The following SLC36A4 variants were observed in gnomAD, a reference collection of about 807,000 sequenced individuals.
SLC36A4 encodes solute carrier family 36 member 4.
Under a neutral mutation model 50.5 loss-of-function variants are expected in SLC36A4, and 49 were observed. The observed-to-expected ratio is 0.97, with a 90% CI of 0.77 to 1.23. The LOEUF is 1.23. Ranked by LOEUF, SLC36A4 falls within the 50% of genes most tolerant of loss-of-function variation. SLC36A4 has a pLI of 0.00. For synonymous variants in SLC36A4, 207 were observed against 206.5 expected, an observed-to-expected ratio of 1.00 and a Z score of -0.02; for missense variants, 611 against 608.4, an observed-to-expected ratio of 1.00 and a Z score of -0.05.
In SLC36A4 at chr11:93,147,881, A is replaced by C. The variant is rs1253648230; in HGVS notation, c.*656T>G. On this transcript the variant is annotated 3_prime_UTR_variant, in exon 11 of 11. Coordinates refer to ENST00000326402, the MANE Select transcript of SLC36A4 (RefSeq NM_152313.4). ...TGGATAAGTTTTAAAGTCCCTTTTC[A>C]AATTTCATTGAAACACTAAGTCATG... 6.6e-6 allele frequency: 1 copy of C among 152,080 alleles called. No homozygotes were observed. Among genetic ancestry groups the C allele is most frequent in the Non-Finnish European group, 1.5e-5 (1 of 68,012 alleles). The allele number at this position is 152,080 out of a possible 1,614,324, so 9.4% of individuals were successfully genotyped here.
intron 1 of SLC36A4, among the ~76,000 whole-genome samples, chr11:93,192,462 T>C (rs1862253817): frequency 6.6e-6 from 1 of 152,132 alleles, no homozygotes; most frequent in African/African-American, 2.4e-5. Context: ...CTACGTGACA[T>C]GAAAAGCCAC....
In SLC36A4 at chr11:93,168,029, T is replaced by G. The variant is rs746390824; in HGVS notation, c.683A>C (p.Glu228Ala). 3 of 1,612,708 alleles carry G rather than the reference T, an allele frequency of 1.9e-6. No homozygotes were observed. In the East Asian group the frequency reaches 6.7e-5, roughly 36 times the overall value. The change falls in exon 7 of 11, where the codon GAA (glutamate) becomes GCA (alanine). Residue 228 changes from glutamate (E) to alanine (A), a missense_variant. Transcript: ENST00000326402. ...TGAAAGTACAAATAGATTCTTTAGT[T>G]CACGAATGAAGACCAAAAGAATTAT... ...PFIILLVFIR[E>A]LKNLFVLSFL...
At position 93,148,265 on chromosome 11, in the gene SLC36A4, A is replaced by G. The variant is rs575383625; in HGVS notation, c.*272T>C. 3.7e-6 allele frequency: 1 copy of G among 267,866 alleles called. No individual in the cohort carries two copies. Among genetic ancestry groups the G allele is most frequent in the East Asian group, 1.0e-4 (1 of 10,018 alleles). 16.6% of individuals were successfully genotyped at this position (267,866 alleles called of 1,614,324 possible). A position where few individuals can be genotyped will look rare whatever the true frequency, so the allele number is the denominator to read the frequency against. ...TTTCTTACTGAGATAAAAGAATAAT[A>G]GAAGTATTTTTATTCTTTAATTTTT... On this transcript the variant is annotated 3_prime_UTR_variant, in exon 11 of 11. Coordinates refer to ENST00000326402, the MANE Select transcript of SLC36A4 (RefSeq NM_152313.4).
At chr11:93,174,381 T>C (rs1311562693) in intron 6 of SLC36A4, among the ~76,000 whole-genome samples, 1 of 151,576 alleles carries the variant, frequency 6.6e-6, no homozygotes, top group Non-Finnish European at 1.5e-5. Context: ...TATACAGTCA[T>C]GTCATCTGCA....
Position 93,181,786 on chromosome 11 carries a change from C to A in SLC36A4, c.360G>T (p.Arg120Ser). Reference protein sequence around the residue: ...LVRCSHFLCLRFKKSTLGYSD... With the variant: ...LVRCSHFLCLSFKKSTLGYSD... ...TATAACCTAATGTTGACTTTTTAAA[C>A]CTGTAATTTAATGACATACATACAA... Residue 120 changes from arginine to serine, a missense_variant and splice_region_variant, in exon 5 of 11, where the codon AGG becomes AGT. Arg to Ser is a moderately radical substitution (Grantham distance 110). Coordinates refer to ENST00000326402, the MANE Select transcript of SLC36A4 (RefSeq NM_152313.4). The A allele has an allele frequency of 1.9e-6, 3 of 1,553,558 alleles. No homozygotes were observed. Among genetic ancestry groups the A allele is most frequent in the Non-Finnish European group, 1.7e-6 (2 of 1,146,326 alleles).
chr11:93,193,910 G>A (rs373268776), intron 1 of SLC36A4, among the ~76,000 whole-genome samples: 1 of 152,062 alleles, frequency 6.6e-6, no homozygotes, highest in African/African-American at 2.4e-5. Flanking sequence ...CATTACTGAC[G>A]TTGAAAATTG....
At chr11:93,150,879 G>C (rs1860055608) in intron 10 of SLC36A4, among the ~76,000 whole-genome samples, 1 of 151,960 alleles carries the variant, frequency 6.6e-6, no homozygotes. Flanking sequence ...GCCACCTGAA[G>C]AGGCTTTCAA....
At chr11:93,182,918 G>A (rs776332823) in intron 3 of SLC36A4, 24 bp from the exon 4 acceptor site, 3 of 1,523,530 alleles carry the variant, frequency 2.0e-6, no homozygotes, top group Middle Eastern at 1.7e-4. Context: ...AAATTTATAA[G>A]GTTTAAATAT....
At chr11:93,160,860 A>G in intron 9 of SLC36A4, 1 of 682,172 alleles carries the variant, frequency 1.5e-6, no homozygotes, top group Non-Finnish European at 1.8e-6. Context: ...AATATTATTG[A>G]GACAAAATGT....
intron 6 of SLC36A4, among the ~76,000 whole-genome samples, chr11:93,176,896 T>G (rs1237091315): frequency 6.6e-6 from 1 of 152,210 alleles, no homozygotes; most frequent in Non-Finnish European, 1.5e-5. Flanking sequence ...TTTCCTTCAT[T>G]TCAACTTTGG....
chr11:93,161,826 T>G (rs1860632519), intron 9 of SLC36A4, among the ~76,000 whole-genome samples: 2 of 152,180 alleles, frequency 1.3e-5, no homozygotes, highest in Non-Finnish European at 2.9e-5. Flanking sequence ...TAAGTCTGCA[T>G]GGTAATCACT....
At chr11:93,177,776 G>C (rs1180821855) in intron 6 of SLC36A4, among the ~76,000 whole-genome samples, 1 of 152,160 alleles carries the variant, frequency 6.6e-6, no homozygotes, top group African/African-American at 2.4e-5. Flanking sequence ...GATATCAGTT[G>C]GCCCCTACTG....
chr11:93,176,340 G>A (rs1388025916), intron 6 of SLC36A4, among the ~76,000 whole-genome samples: 3 of 151,820 alleles, frequency 2.0e-5, no homozygotes, highest in African/African-American at 7.3e-5. Context: ...GCCTATGTGT[G>A]TCTCTGCATG....
In SLC36A4 at chr11:93,162,754, T is replaced by C. The variant is rs78676517; in HGVS notation, c.989A>G (p.His330Arg). Reference protein sequence around the residue: ...TLATLGYMCFHDEIKGSITLN... With the variant: ...TLATLGYMCFRDEIKGSITLN... ...AGTTATGCTGCCTTTGATTTCATCA[T>C]GGAAACACATATATCCTAAAGTAGC... is the stretch of plus-strand genomic sequence containing the variant. Residue 330 changes from histidine to arginine, a missense_variant, in exon 9 of 11, where the codon CAT becomes CGT. Coordinates refer to ENST00000326402, the MANE Select transcript of SLC36A4 (RefSeq NM_152313.4). The C allele has an allele frequency of 0.059, 94,764 of 1,612,718 alleles. 3,164 individuals are homozygous for C. The highest frequency in any genetic ancestry group is 0.1 in the South Asian group (9,455 of 90,908).
At chr11:93,187,422 T>C (rs1862036641) in intron 1 of SLC36A4, among the ~76,000 whole-genome samples, 2 of 152,186 alleles carry the variant, frequency 1.3e-5, no homozygotes, top group South Asian at 4.1e-4. Flanking sequence ...ATGTATTTGG[T>C]TCAAATACTT....
intron 9 of SLC36A4, among the ~76,000 whole-genome samples, chr11:93,156,261 A>G (rs1860354785): frequency 6.6e-6 from 1 of 152,104 alleles, no homozygotes; most frequent in Admixed American, 6.5e-5. Flanking sequence ...TCGACTTTTT[A>G]GTAATAGCCA....
intron 1 of SLC36A4, among the ~76,000 whole-genome samples, chr11:93,191,843 C>T (rs941278490): frequency 6.6e-6 from 1 of 151,586 alleles, no homozygotes; most frequent in African/African-American, 2.4e-5. Flanking sequence ...GGTTTCTGGC[C>T]CTTCTCAAAA....
In SLC36A4 at chr11:93,181,163, C is replaced by T. The variant is rs116595329; in HGVS notation, c.456-282G>A. Among the ~76,000 whole-genome samples, 1,091 of 152,140 alleles carry T rather than the reference C, an allele frequency of 7.2e-3. 11 individuals are homozygous for T. The highest frequency in any genetic ancestry group is 0.025 in the African/African-American group (1,034 of 41,538). On this transcript the variant is annotated intron_variant, in intron 5 of 10. Coordinates refer to ENST00000326402, the MANE Select transcript of SLC36A4 (RefSeq NM_152313.4). ...GCACTTTGCTGACTGCTTATGCTTC[C>T]TTATTTTTCTAGTCCTGTATTCATC...
chr11:93,152,983 T>C (rs1300328776), intron 10 of SLC36A4, among the ~76,000 whole-genome samples: 1 of 152,186 alleles, frequency 6.6e-6, no homozygotes, highest in Admixed American at 6.6e-5. Context: ...TTTGTTAATA[T>C]GATTTCTCTT....
Sources: allele counts gnomAD v4.1 joint callset (sites outside exome capture counted in the v4.1 genomes callset), GRCh38; gene constraint gnomAD v4.1.1; transcripts MANE v1.5; gene names NCBI Gene and HGNC (gene_info 2026-07-23, HGNC 2026-07-21).